The following KCNQ5 variants were observed in gnomAD, a reference collection of about 807,000 sequenced individuals.
KCNQ5 encodes potassium voltage-gated channel subfamily KQT member 5.
Under a neutral mutation model 98.2 loss-of-function variants are expected in KCNQ5, and 30 were observed. The observed-to-expected ratio is 0.31, with a 90% CI of 0.23 to 0.41. KCNQ5 has a LOEUF of 0.41. Ranked by LOEUF, KCNQ5 falls within the 10% of genes least tolerant of loss-of-function variation. The probability of loss-of-function intolerance (pLI) is 1.00; values close to 1 mark genes in which losing one functional copy is unlikely to be tolerated. For synonymous variants in KCNQ5, 458 were observed against 449.4 expected (o/e 1.02, Z -0.24); for missense variants, 835 against 1,182.5 (o/e 0.71, Z 4.31).
Position 73,012,130 on chromosome 6 carries a change from A to C in KCNQ5, c.489+8132A>C, listed in dbSNP as rs374788548. 5.9e-4 allele frequency among the ~76,000 whole-genome samples: 90 copies of C among 152,252 alleles called. No homozygotes were observed. In the South Asian group the frequency reaches 0.013, roughly 22 times the overall value. Reference sequence around the variant, plus strand: ...ATTCCACTTCTGGATGTATGCCAAAAACACTGACGGCAAGGTCTCAAAGAG... The same window carrying C: ...ATTCCACTTCTGGATGTATGCCAAACACACTGACGGCAAGGTCTCAAAGAG... On this transcript the variant is annotated intron_variant, in intron 2 of 13. Transcript: ENST00000370398.
At chr6:72,842,595 C>T (rs1486731329) in intron 1 of KCNQ5, among the ~76,000 whole-genome samples, 1 of 152,196 alleles carries the variant, frequency 6.6e-6, no homozygotes, top group African/African-American at 2.4e-5. Flanking sequence ...AATTTACACT[C>T]CTACCAACAG....
chr6:73,077,726 C>T, intron 4 of KCNQ5, 36 bp from the exon 5 acceptor site: 1 of 1,571,876 alleles, frequency 6.4e-7, no homozygotes, highest in East Asian at 2.2e-5. Flanking sequence ...CAAAGATTTC[C>T]CACCTCTAAA....
chr6:72,941,684 CT>C, intron 1 of KCNQ5, among the ~76,000 whole-genome samples: 1 of 176 alleles, frequency 5.7e-3, no homozygotes, highest in Non-Finnish European at 0.015. Flanking sequence ...TTCTTTCTTT[CT>C]TTCTTTCTTT....
chr6:73,014,512 A>C (rs76557692), intron 2 of KCNQ5, among the ~76,000 whole-genome samples: 4,475 of 152,126 alleles, frequency 0.029, 219 homozygotes, highest in African/African-American at 0.1. Context: ...TGAGTACTCT[A>C]TCCAGGCTTT....
intron 1 of KCNQ5, among the ~76,000 whole-genome samples, chr6:72,858,127 T>C (rs558204203): frequency 6.6e-6 from 1 of 152,338 alleles, no homozygotes; most frequent in South Asian, 2.1e-4. Context: ...GAACTATATA[T>C]GGAGTACACC....
At chr6:72,690,197 A>G (rs1374471501) in intron 1 of KCNQ5, among the ~76,000 whole-genome samples, 2 of 152,134 alleles carry the variant, frequency 1.3e-5, no homozygotes, top group African/African-American at 2.4e-5. Flanking sequence ...GCCTGAACCC[A>G]GAAGCCAGAG....
In KCNQ5 at chr6:73,194,955, C is replaced by T. The variant is rs754891925; in HGVS notation, c.2340C>T (p.Val780=). Residue 780 remains valine (V), a synonymous_variant, in exon 14 of 14, where the codon GTC becomes GTT. Coordinates refer to ENST00000370398, the MANE Select transcript of KCNQ5 (RefSeq NM_019842.4). ...PAGLQESISD[V]TTCLVASKEN... is the part of the protein sequence containing the mutation. ...GCTTACAGGAAAGCATTTCTGACGT[C>T]ACCACCTGCCTTGTTGCCTCCAAGG... 6.2e-7 allele frequency: 1 copy of T among 1,614,224 alleles called. No individual in the cohort carries two copies. Among genetic ancestry groups the T allele is most frequent in the South Asian group, 1.1e-5 (1 of 91,086 alleles).
intron 1 of KCNQ5, among the ~76,000 whole-genome samples, chr6:72,651,473 C>T (rs1765874246): frequency 6.6e-6 from 1 of 152,042 alleles, no homozygotes; most frequent in Admixed American, 6.6e-5. Flanking sequence ...GACTTTATGA[C>T]AAATTAGAAA....
At chr6:72,734,303 A>G (rs540742846) in intron 1 of KCNQ5, among the ~76,000 whole-genome samples, 11 of 151,298 alleles carry the variant, frequency 7.3e-5, no homozygotes, top group African/African-American at 2.2e-4. Context: ...AACATGTTCA[A>G]TAACTAGTTT....
At chr6:72,727,229 A>G (rs932320440) in intron 1 of KCNQ5, among the ~76,000 whole-genome samples, 2 of 152,262 alleles carry the variant, frequency 1.3e-5, no homozygotes, top group African/African-American at 4.8e-5. Context: ...TGTTCTGAGC[A>G]GTAACTTCTC....
intron 1 of KCNQ5, among the ~76,000 whole-genome samples, chr6:73,000,583 T>C (rs1366660804): frequency 6.6e-6 from 1 of 152,206 alleles, no homozygotes; most frequent in African/African-American, 2.4e-5. Flanking sequence ...CAGTTTCTCC[T>C]TCTGACTTTG....
At chr6:73,160,481 G>C (rs909745391) in intron 10 of KCNQ5, among the ~76,000 whole-genome samples, 2 of 152,214 alleles carry the variant, frequency 1.3e-5, no homozygotes, top group South Asian at 2.1e-4. Flanking sequence ...GAATTCAGCA[G>C]GCTGAGGCCT....
At chr6:72,834,227 G>GA (rs929978902) in intron 1 of KCNQ5, among the ~76,000 whole-genome samples, 11 of 151,310 alleles carry the variant, frequency 7.3e-5, no homozygotes, top group East Asian at 3.9e-4. Context: ...ACTTAAAAAA[G>GA]AAAAAAAAGA....
intron 1 of KCNQ5, among the ~76,000 whole-genome samples, chr6:72,931,199 T>C (rs759430395): frequency 3.3e-5 from 5 of 152,224 alleles, no homozygotes; most frequent in Non-Finnish European, 5.9e-5. Flanking sequence ...AAAGAACTTC[T>C]TCTAAAAAAT....
At chr6:73,170,262 C>T (rs1777955654) in intron 11 of KCNQ5, among the ~76,000 whole-genome samples, 1 of 152,092 alleles carries the variant, frequency 6.6e-6, no homozygotes, top group Non-Finnish European at 1.5e-5. Context: ...GGGTTGAGTT[C>T]TGAAAATGGG....
intron 1 of KCNQ5, among the ~76,000 whole-genome samples, chr6:72,810,531 A>C (rs1169437376): frequency 6.6e-6 from 1 of 152,152 alleles, no homozygotes; most frequent in African/African-American, 2.4e-5. Flanking sequence ...CAGTATAAAA[A>C]TTTCTCACCC....
intron 2 of KCNQ5, among the ~76,000 whole-genome samples, chr6:73,005,603 A>G (rs920695171): frequency 6.6e-6 from 1 of 151,882 alleles, no homozygotes; most frequent in Admixed American, 6.5e-5. Flanking sequence ...ACAAAGTCTA[A>G]AACTGATTAG....
intron 1 of KCNQ5, among the ~76,000 whole-genome samples, chr6:72,699,982 A>G (rs1768710344): frequency 6.6e-6 from 1 of 152,212 alleles, no homozygotes; most frequent in African/African-American, 2.4e-5. Context: ...AATAAGGATA[A>G]GAACTAGACC....
rs185424183 is a variant in KCNQ5, at chr6:72,634,635, G to A, written c.398+12048G>A. On this transcript the variant is annotated intron_variant, in intron 1 of 13. Transcript: ENST00000370398. ...GGCTGGAGTGCAGTGGTGTGATTTC[G>A]GCTCACTGCAACCTCCACCTCCCAG... is the stretch of plus-strand genomic sequence containing the variant. Among the ~76,000 whole-genome samples the A allele has an allele frequency of 4.9e-4, 74 of 151,964 alleles. 1 individual carries two copies. The South Asian group carries it at 6.2e-3, about 13-fold the overall frequency.
Sources: allele counts gnomAD v4.1 joint callset (sites outside exome capture counted in the v4.1 genomes callset), GRCh38; gene constraint gnomAD v4.1.1; transcripts MANE v1.5; gene names NCBI Gene and HGNC (gene_info 2026-07-23, HGNC 2026-07-21).